IL17REL: variants seen among roughly 807,000 people sequenced by gnomAD.
IL17REL encodes interleukin 17 receptor E like.
Under a neutral mutation model 49.0 loss-of-function variants are expected in IL17REL, and 36 were observed. The ratio of observed to expected loss-of-function variants is 0.73; its 90% CI spans 0.56 to 0.97. The LOEUF (loss-of-function observed/expected upper bound fraction) is 0.97. IL17REL is among the 50% of genes least tolerant of loss of function. The probability of loss-of-function intolerance (pLI) is 0.00; values close to 1 mark genes in which losing one functional copy is unlikely to be tolerated. For missense variants in IL17REL, 470 were observed against 453.9 expected, an observed-to-expected ratio of 1.04 and a Z score of -0.32; for synonymous variants, 206 against 192.4, an observed-to-expected ratio of 1.07 and a Z score of -0.58.
At chr22:50,010,988 CCGT>C (rs2061137981), upstream of IL17REL, among the ~76,000 whole-genome samples, 1 of 144,800 alleles carries the variant, frequency 6.9e-6, no homozygotes, top group Non-Finnish European at 1.5e-5. Flanking sequence ...CAGCCTCCCG[CCGT>C]CACCCGCGCG....
exon 3 of IL17REL, chr22:50,000,822 T>C (rs766577827): frequency 1.2e-6 from 2 of 1,601,334 alleles, no homozygotes; most frequent in East Asian, 2.2e-5. Context: ...GTCTCCTGGG[T>C]GTCCAGGCTC....
At chr22:50,002,195 T>C (rs1036035317) in intron 1 of IL17REL, among the ~76,000 whole-genome samples, 1 of 152,214 alleles carries the variant, frequency 6.6e-6, no homozygotes, top group Non-Finnish European at 1.5e-5. Context: ...AAAGGGCAGC[T>C]AGGAGTGTTA....
At chr22:50,003,019 G>A (rs1001654402) in intron 1 of IL17REL, among the ~76,000 whole-genome samples, 1 of 152,198 alleles carries the variant, frequency 6.6e-6, no homozygotes, top group African/African-American at 2.4e-5. Flanking sequence ...CTCAGGCAGT[G>A]GTGGGGGTGG....
rs552789084 is a variant in IL17REL at position 50,000,462 on chromosome 22, G to T, written c.334+16C>A. 59 of 1,574,362 alleles carry T rather than the reference G, an allele frequency of 3.7e-5. No homozygotes were observed. The East Asian group carries it at 6.0e-4, about 16-fold the overall frequency. On this transcript the variant is annotated intron_variant, in intron 4 of 12. Coordinates refer to ENST00000341280, the Ensembl canonical transcript of IL17REL. ...GCTGAACGGTAGCTGTGCTCAGGGG[G>T]CCCTGGGGACCCTACCTTCCACGAG...
At chr22:49,999,559 G>A (rs937665618) in intron 5 of IL17REL, 57 bp from the exon 8 acceptor site, 1 of 1,396,412 alleles carries the variant, frequency 7.2e-7, no homozygotes, top group African/African-American at 1.4e-5. Flanking sequence ...GTGGTCTGGG[G>A]TGGGCGGGAC....
upstream of IL17REL, among the ~76,000 whole-genome samples, chr22:50,010,766 G>C (rs955577712): frequency 2.9e-5 from 4 of 137,624 alleles, no homozygotes; most frequent in Non-Finnish European, 6.2e-5. Context: ...CCTGCCCCAC[G>C]GCACGGGGAG....
At position 49,997,693 on chromosome 22, in the gene IL17REL, C is replaced by T. The variant is rs1016249118; in HGVS notation, c.869G>A (p.Arg290His). 5 of 1,613,892 alleles carry T rather than the reference C, an allele frequency of 3.1e-6. No homozygotes were observed. Among genetic ancestry groups the T allele is most frequent in the East Asian group, 2.2e-5 (1 of 44,888 alleles). ...CCTCATGGAGAACTTACTTGGGAAGCGACGCTGTTCGAAAGGGCACCGCAC... is the reference window on the plus strand; with the variant it reads ...CCTCATGGAGAACTTACTTGGGAAGTGACGCTGTTCGAAAGGGCACCGCAC... The change falls in exon 10 of 13, where the codon CGC becomes CAC. Residue 290 changes from arginine to histidine, a missense_variant. Coordinates refer to ENST00000341280, the Ensembl canonical transcript of IL17REL.
chr22:50,006,217 G>A (rs1039834071), intron 1 of IL17REL, among the ~76,000 whole-genome samples: 4 of 152,190 alleles, frequency 2.6e-5, no homozygotes, highest in South Asian at 4.1e-4. Context: ...TTCCAGACTC[G>A]CTGAGTGGAG....
intron 1 of IL17REL, among the ~76,000 whole-genome samples, chr22:50,005,062 C>T (rs116972251): frequency 0.012 from 1,733 of 149,042 alleles, 19 homozygotes; most frequent in Middle Eastern, 0.029. Context: ...GTTAGTGAAA[C>T]GGGCGCAGGA....
upstream of IL17REL, chr22:50,008,925 T>C (rs137865): frequency 0.34 from 51,793 of 152,210 alleles, 9,298 homozygotes; most frequent in Middle Eastern, 0.47. Flanking sequence ...ACCCACTACG[T>C]GCCAGGCTCG....
intron 7 of IL17REL, among the ~76,000 whole-genome samples, chr22:49,998,942 G>GAC (rs1257713629): frequency 6.6e-6 from 1 of 151,866 alleles, no homozygotes; most frequent in Non-Finnish European, 1.5e-5. Context: ...CATGTGTATG[G>GAC]GCGTGTATGT....
chr22:50,003,782 A>G (rs1441796861), intron 1 of IL17REL, among the ~76,000 whole-genome samples: 2 of 152,216 alleles, frequency 1.3e-5, no homozygotes, highest in Admixed American at 1.3e-4. Context: ...CAGTGAAATA[A>G]TAGATTATTT....
chr22:49,998,268 G>A (rs572571800), exon 8 of IL17REL: 4 of 1,611,904 alleles, frequency 2.5e-6, no homozygotes, highest in East Asian at 4.5e-5. Context: ...CTCTCCGGGT[G>A]GTAGTAGACC....
chr22:50,011,368 G>T (rs2061140536), upstream of IL17REL, among the ~76,000 whole-genome samples: 1 of 151,606 alleles, frequency 6.6e-6, no homozygotes, highest in Non-Finnish European at 1.5e-5. Context: ...GGATCACCTG[G>T]CCGTCCTAGC....
At chr22:50,012,235 G>A (rs528407707), upstream of IL17REL, among the ~76,000 whole-genome samples, 21 of 152,342 alleles carry the variant, frequency 1.4e-4, no homozygotes, top group African/African-American at 2.6e-4. Flanking sequence ...GCAGCCGAGC[G>A]GGGTGGGGTG....
chr22:49,997,233 G>T, intron 11 of IL17REL, 87 bp downstream of exon 13: 2 of 1,468,866 alleles, frequency 1.4e-6, no homozygotes, highest in South Asian at 1.2e-5. Flanking sequence ...GGGCCCGGGT[G>T]GGGCAGAGAC....
intron 11 of IL17REL, 31 bp from the exon 14 acceptor site, chr22:49,997,105 G>C: frequency 6.4e-7 from 1 of 1,564,894 alleles, no homozygotes; most frequent in Non-Finnish European, 8.6e-7. Flanking sequence ...CACAGGCAAT[G>C]GGAGGAAGGG....
rs1307002729 is a variant in IL17REL at position 49,999,429 on chromosome 22, AC to A, written c.546+1del. On this transcript the variant is annotated splice_donor_variant, in intron 6 of 12. Coordinates refer to ENST00000341280, the Ensembl canonical transcript of IL17REL. LOFTEE classifies it high-confidence loss of function. ...CCAAGTCCAGGCCACACCTCCACCG[AC>A]CTCCAGGCACAGGCACGGCAGCTCC... 5.0e-6 allele frequency: 8 copies of A among 1,611,656 alleles called. No homozygotes were observed. Among genetic ancestry groups the A allele is most frequent in the Non-Finnish European group, 6.8e-6 (8 of 1,179,656 alleles).
intron 10 of IL17REL, 50 bp from the exon 13 acceptor site, chr22:49,997,533 C>T: frequency 7.5e-7 from 1 of 1,341,008 alleles, no homozygotes. Context: ...ACCCCACCGC[C>T]TCCCTTCCTT....
Sources: gnomAD v4.1 joint callset for allele counts (sites outside exome capture counted in the v4.1 genomes callset) on GRCh38, gnomAD v4.1.1 for gene constraint, MANE v1.5 for transcripts, NCBI Gene and HGNC (gene_info 2026-07-23, HGNC 2026-07-21) for gene names.